Variants in ITGBL1 observed in about 807,000 individuals in gnomAD.
ITGBL1 encodes integrin subunit beta like 1, also known as integrin beta-like protein 1.
In ITGBL1, 51 loss-of-function variants were observed where a neutral mutation model predicts 68.5. The observed-to-expected ratio is 0.74, with a 90% CI of 0.59 to 0.94. ITGBL1 has a LOEUF of 0.94. Ranked by LOEUF, ITGBL1 falls within the 40% of genes least tolerant of loss-of-function variation. The probability of loss-of-function intolerance (pLI) is 0.00; values close to 1 mark genes in which losing one functional copy is unlikely to be tolerated. For synonymous variants in ITGBL1, 209 were observed against 227.3 expected (o/e 0.92, Z 0.72); for missense variants, 649 against 647.4 (o/e 1.00, Z -0.03).
At chr13:101,567,099 G>A (rs540947270) in intron 2 of ITGBL1, among the ~76,000 whole-genome samples, 1 of 152,220 alleles carries the variant, frequency 6.6e-6, no homozygotes, top group South Asian at 2.1e-4. Flanking sequence ...AAAACAACAT[G>A]CATTAAAGCA....
intron 10 of ITGBL1, 163 bp from the exon 11 acceptor site, chr13:101,715,400 G>T: frequency 1.6e-6 from 1 of 617,988 alleles, no homozygotes; most frequent in South Asian, 2.0e-5. Flanking sequence ...TAGATGTCTC[G>T]CAGCTGCTTA....
intron 6 of ITGBL1, among the ~76,000 whole-genome samples, chr13:101,595,247 A>G (rs570381827): frequency 2.0e-5 from 3 of 152,170 alleles, no homozygotes; most frequent in Non-Finnish European, 4.4e-5. Context: ...ATGGCGAGAG[A>G]GAGGAAGACA....
chr13:101,683,034 A>G (rs1454868947), intron 7 of ITGBL1, among the ~76,000 whole-genome samples: 1 of 152,146 alleles, frequency 6.6e-6, no homozygotes, highest in African/African-American at 2.4e-5. Flanking sequence ...CACCAATTTT[A>G]TCAAACATAT....
intron 8 of ITGBL1, among the ~76,000 whole-genome samples, chr13:101,696,166 A>G (rs1540461): frequency 0.2 from 30,702 of 152,042 alleles, 3,590 homozygotes; most frequent in Non-Finnish European, 0.26. Context: ...AAGAACTCCC[A>G]TGGGTATATC....
At chr13:101,545,715 C>T (rs898743570) in intron 2 of ITGBL1, among the ~76,000 whole-genome samples, 2 of 152,176 alleles carry the variant, frequency 1.3e-5, no homozygotes, top group East Asian at 3.9e-4. Context: ...AAGTCATCTT[C>T]TTCAGGGAAT....
At chr13:101,660,604 T>G (rs1404149918) in intron 7 of ITGBL1, among the ~76,000 whole-genome samples, 1 of 152,144 alleles carries the variant, frequency 6.6e-6, no homozygotes, top group East Asian at 1.9e-4. Context: ...CTGGTGGCCT[T>G]TTATTAGTTT....
chr13:101,476,079 ATATT>A (rs1011623075), intron 2 of ITGBL1, among the ~76,000 whole-genome samples: 5 of 152,300 alleles, frequency 3.3e-5, no homozygotes, highest in African/African-American at 1.2e-4. Context: ...TGTGTGTAAA[ATATT>A]TATATTTTGA....
At position 101,700,102 on chromosome 13, in the gene ITGBL1, A is replaced by T. The variant is rs567524758; in HGVS notation, c.1133-6654A>T. On this transcript the variant is annotated intron_variant, in intron 8 of 10. Transcript: ENST00000376180. ...CACATTTGTAAGCTCTAACATGTGT[A>T]TGCCTAGAGCCAGCACTAACATGTT... 5.3e-5 allele frequency among the ~76,000 whole-genome samples: 8 copies of T among 152,284 alleles called. No homozygotes were observed. The South Asian group carries it at 1.2e-3, about 24-fold the overall frequency.
chr13:101,503,556 G>C (rs977143846), intron 2 of ITGBL1, among the ~76,000 whole-genome samples: 1 of 152,136 alleles, frequency 6.6e-6, no homozygotes, highest in African/African-American at 2.4e-5. Flanking sequence ...ATGGTTATTA[G>C]AGATTATGCC....
chr13:101,608,683 C>T (rs1025677079), intron 7 of ITGBL1, among the ~76,000 whole-genome samples: 3 of 151,974 alleles, frequency 2.0e-5, no homozygotes, highest in Non-Finnish European at 4.4e-5. Context: ...TTTGAGAAAG[C>T]AAGTGGGATT....
intron 2 of ITGBL1, among the ~76,000 whole-genome samples, chr13:101,460,228 T>G (rs2048299829): frequency 1.3e-5 from 2 of 152,114 alleles, no homozygotes; most frequent in African/African-American, 4.8e-5. Flanking sequence ...TGTCTCTGAG[T>G]CGGAGGCACC....
At chr13:101,488,674 A>AC (rs1351512750) in intron 2 of ITGBL1, among the ~76,000 whole-genome samples, 2 of 151,748 alleles carry the variant, frequency 1.3e-5, no homozygotes, top group African/African-American at 4.8e-5. Flanking sequence ...TTATTCGTGA[A>AC]CCCCCCACTA....
At chr13:101,652,640 C>T (rs1042511085) in intron 7 of ITGBL1, among the ~76,000 whole-genome samples, 13 of 152,184 alleles carry the variant, frequency 8.5e-5, no homozygotes, top group African/African-American at 3.1e-4. Context: ...CAGTGAATAT[C>T]TACTCCCTTA....
chr13:101,494,128 T>A (rs1051485091), intron 2 of ITGBL1, among the ~76,000 whole-genome samples: 1 of 152,234 alleles, frequency 6.6e-6, no homozygotes, highest in Non-Finnish European at 1.5e-5. Context: ...TAATAATGCC[T>A]GGTAACAGAC....
At chr13:101,634,968 G>T (rs1245048179) in intron 7 of ITGBL1, among the ~76,000 whole-genome samples, 4 of 151,670 alleles carry the variant, frequency 2.6e-5, no homozygotes, top group Middle Eastern at 3.4e-3. Context: ...GTGTGTGTGT[G>T]TGTATTTCTA....
intron 8 of ITGBL1, among the ~76,000 whole-genome samples, chr13:101,698,652 A>T (rs1047585645): frequency 2.0e-5 from 3 of 152,364 alleles, no homozygotes; most frequent in Non-Finnish European, 4.4e-5. Flanking sequence ...GCATGGATTT[A>T]TTATCAGATA....
chr13:101,537,603 T>A (rs2049601787), intron 2 of ITGBL1, among the ~76,000 whole-genome samples: 2 of 152,058 alleles, frequency 1.3e-5, no homozygotes, highest in South Asian at 4.1e-4. Context: ...GATTCAAGGT[T>A]GATTCAATCA....
intron 7 of ITGBL1, among the ~76,000 whole-genome samples, chr13:101,665,799 TGC>T (rs1464310863): frequency 6.6e-6 from 1 of 152,138 alleles, no homozygotes; most frequent in East Asian, 1.9e-4. Context: ...TATGCACAAT[TGC>T]CTAATAACAA....
intron 9 of ITGBL1, chr13:101,713,820 T>C (rs1449210141): frequency 6.6e-6 from 1 of 152,128 alleles, no homozygotes; most frequent in African/African-American, 2.4e-5. Flanking sequence ...TCATAAAATA[T>C]GAACTTTGGG....
Sources: gnomAD v4.1 joint callset for allele counts (sites outside exome capture counted in the v4.1 genomes callset) on GRCh38, gnomAD v4.1.1 for gene constraint, MANE v1.5 for transcripts, NCBI Gene and HGNC (gene_info 2026-07-23, HGNC 2026-07-21) for gene names.